The following MSI2 variants were observed in gnomAD, a reference collection of about 807,000 sequenced individuals.
MSI2 encodes the protein RNA-binding protein Musashi homolog 2.
In MSI2, 17 loss-of-function variants were observed where a neutral mutation model predicts 45.6. That is an observed-to-expected ratio of 0.37 (90% CI 0.26 to 0.56). The LOEUF is 0.56. Among genes scored for constraint, MSI2 ranks in the 20% least tolerant of loss-of-function variants. The pLI is 0.77. For synonymous variants in MSI2, 156 were observed against 158.2 expected (o/e 0.99, Z 0.11); for missense variants, 293 against 444.2 (o/e 0.66, Z 3.06).
chr17:57,286,373 T>A (rs1909872986), intron 5 of MSI2, among the ~76,000 whole-genome samples: 1 of 152,214 alleles, frequency 6.6e-6, no homozygotes, highest in Non-Finnish European at 1.5e-5. Context: ...TGCATTTTCC[T>A]CGACGGTCGC....
intron 5 of MSI2, among the ~76,000 whole-genome samples, chr17:57,319,029 C>G (rs1252264246): frequency 6.6e-6 from 1 of 152,172 alleles, no homozygotes; most frequent in Non-Finnish European, 1.5e-5. Flanking sequence ...ACTTTTGTGC[C>G]CACTGGAAAG....
At chr17:57,482,516 T>C (rs997281440) in intron 6 of MSI2, among the ~76,000 whole-genome samples, 1 of 152,224 alleles carries the variant, frequency 6.6e-6, no homozygotes, top group Admixed American at 6.5e-5. Context: ...GTCATTCGTG[T>C]ACATGGCGTG....
At chr17:57,387,031 A>G (rs1382486811) in intron 5 of MSI2, among the ~76,000 whole-genome samples, 1 of 152,222 alleles carries the variant, frequency 6.6e-6, no homozygotes, top group Admixed American at 6.5e-5. Flanking sequence ...CTGATTTGAC[A>G]GCCCTCCAGG....
chr17:57,400,763 G>A (rs1399825206), intron 5 of MSI2, among the ~76,000 whole-genome samples: 3 of 152,084 alleles, frequency 2.0e-5, no homozygotes, highest in African/African-American at 7.2e-5. Context: ...AGGACCTGCA[G>A]GAACGAAAGT....
At chr17:57,582,276 GA>G (rs911021489) in intron 7 of MSI2, among the ~76,000 whole-genome samples, 4 of 150,726 alleles carry the variant, frequency 2.7e-5, no homozygotes, top group Non-Finnish European at 3.0e-5. Context: ...TAATTGTGCA[GA>G]AAAAAAAATT....
At chr17:57,492,283 C>T (rs1293400675) in intron 6 of MSI2, among the ~76,000 whole-genome samples, 2 of 152,138 alleles carry the variant, frequency 1.3e-5, no homozygotes, top group Non-Finnish European at 2.9e-5. Context: ...AAAATCAGGA[C>T]GGCATAAATT....
intron 5 of MSI2, among the ~76,000 whole-genome samples, chr17:57,333,267 G>A (rs958757889): frequency 6.6e-5 from 10 of 152,136 alleles, no homozygotes; most frequent in African/African-American, 2.4e-4. Context: ...TAAGCAGCCT[G>A]TAAGCTTTAT....
intron 6 of MSI2, among the ~76,000 whole-genome samples, chr17:57,450,842 T>C (rs896495716): frequency 1.3e-5 from 2 of 151,950 alleles, no homozygotes; most frequent in Non-Finnish European, 2.9e-5. Context: ...GAGAAAATAA[T>C]ATAGTCTTGT....
intron 11 of MSI2, among the ~76,000 whole-genome samples, chr17:57,666,247 C>T (rs758906930): frequency 6.6e-6 from 1 of 152,236 alleles, no homozygotes; most frequent in Non-Finnish European, 1.5e-5. Context: ...CAGATTTGGT[C>T]CTGTCTGAGA....
chr17:57,502,116 C>A (rs542796762), intron 6 of MSI2, among the ~76,000 whole-genome samples: 50 of 152,058 alleles, frequency 3.3e-4, no homozygotes, highest in Non-Finnish European at 4.4e-5. Context: ...CTCCAAGGGT[C>A]CTCTAGGAAG....
At chr17:57,604,033 G>A (rs1469815110) in intron 8 of MSI2, among the ~76,000 whole-genome samples, 1 of 152,250 alleles carries the variant, frequency 6.6e-6, no homozygotes, top group Admixed American at 6.5e-5. Context: ...CCCAGGTGGG[G>A]AGTGACACAA....
intron 5 of MSI2, among the ~76,000 whole-genome samples, chr17:57,295,004 G>A (rs940085563): frequency 2.6e-5 from 4 of 152,214 alleles, no homozygotes; most frequent in East Asian, 1.9e-4. Context: ...CAGGACCACC[G>A]AGCAGAGAGT....
intron 5 of MSI2, among the ~76,000 whole-genome samples, chr17:57,381,600 A>G (rs896206770): frequency 1.3e-5 from 2 of 152,136 alleles, no homozygotes; most frequent in African/African-American, 2.4e-5. Context: ...CTGCTGTCCT[A>G]TAGAACTTTC....
chr17:57,457,593 TAATA>T (rs1278757322), intron 6 of MSI2, among the ~76,000 whole-genome samples: 1 of 152,122 alleles, frequency 6.6e-6, no homozygotes, highest in Middle Eastern at 3.2e-3. Context: ...AGAAACCAAT[TAATA>T]AATATTGGGA....
intron 5 of MSI2, among the ~76,000 whole-genome samples, chr17:57,283,212 A>C (rs1449437736): frequency 1.3e-5 from 2 of 152,082 alleles, no homozygotes; most frequent in Non-Finnish European, 1.5e-5. Context: ...GACTTCTAGA[A>C]AATGCCATTT....
chr17:57,570,202 G>T (rs978486314), intron 7 of MSI2, among the ~76,000 whole-genome samples: 3 of 152,090 alleles, frequency 2.0e-5, no homozygotes, highest in African/African-American at 7.2e-5. Context: ...GAATCACCTG[G>T]GGAGCTCTTA....
intron 6 of MSI2, among the ~76,000 whole-genome samples, chr17:57,433,463 G>C (rs995870460): frequency 6.6e-6 from 1 of 152,154 alleles, no homozygotes; most frequent in Admixed American, 6.5e-5. Context: ...ATTGCTAGGA[G>C]CCCCCAGAAG....
At chr17:57,439,231 AT>A (rs753178457) in intron 6 of MSI2, among the ~76,000 whole-genome samples, 1 of 152,028 alleles carries the variant, frequency 6.6e-6, no homozygotes, top group Non-Finnish European at 1.5e-5. Flanking sequence ...GCAGTTTTTG[AT>A]TGCTCAGATC....
chr17:57,701,114 G>A, the MSI2 span, among the ~76,000 whole-genome samples: 5 of 152,250 alleles, frequency 3.3e-5, no homozygotes, highest in African/African-American at 9.6e-5. Flanking sequence ...GGTGGTCAGG[G>A]GGAGACCAGA....
Sources: gnomAD v4.1 joint callset for allele counts (sites outside exome capture counted in the v4.1 genomes callset) on GRCh38, gnomAD v4.1.1 for gene constraint, MANE v1.5 for transcripts, NCBI Gene and HGNC (gene_info 2026-07-23, HGNC 2026-07-21) for gene names.